The following FMN1 variants were observed in gnomAD, a reference collection of about 807,000 sequenced individuals.
FMN1 encodes the protein formin 1, also known as formin-1.
A neutral mutation model predicts 132.4 loss-of-function variants in FMN1; 110 were observed. The observed-to-expected ratio is 0.83, with a 90% CI of 0.71 to 0.97. FMN1 has a LOEUF of 0.97. Among genes scored for constraint, FMN1 ranks in the 50% least tolerant of loss-of-function variants. The pLI is 0.00. For missense variants in FMN1, 1,792 were observed against 1,705.3 expected (o/e 1.05, Z -0.90); for synonymous variants, 722 against 651.7 (o/e 1.11, Z -1.64).
At chr15:33,041,846 G>A (rs899981484) in intron 6 of FMN1, among the ~76,000 whole-genome samples, 6 of 151,984 alleles carry the variant, frequency 3.9e-5, no homozygotes, top group African/African-American at 1.5e-4. Flanking sequence ...GAGAACCATT[G>A]TACAACAATA....
At chr15:33,160,208 C>G (rs1157608547) in intron 3 of FMN1, among the ~76,000 whole-genome samples, 1 of 152,136 alleles carries the variant, frequency 6.6e-6, no homozygotes, top group Non-Finnish European at 1.5e-5. Context: ...GATAAGACAA[C>G]TTCCCAGGGC....
intron 7 of FMN1, among the ~76,000 whole-genome samples, chr15:32,979,989 A>C (rs763795496): frequency 6.6e-6 from 1 of 152,194 alleles, no homozygotes; most frequent in Non-Finnish European, 1.5e-5. Flanking sequence ...GAGTTTTACC[A>C]GGGATTAGTC....
intron 3 of FMN1, among the ~76,000 whole-genome samples, chr15:33,173,686 T>C (rs1221066790): frequency 2.0e-5 from 3 of 152,190 alleles, no homozygotes. Context: ...CCCAGCACAT[T>C]GGGAGGCCAA....
At chr15:32,879,267 C>T (rs2059707092) in intron 16 of FMN1, among the ~76,000 whole-genome samples, 2 of 152,090 alleles carry the variant, frequency 1.3e-5, no homozygotes, top group Admixed American at 6.6e-5. Flanking sequence ...ACTTTGCTTG[C>T]AAAACTAAAT....
chr15:32,880,588 ACTTT>A (rs2059746247), intron 16 of FMN1, among the ~76,000 whole-genome samples: 1 of 152,138 alleles, frequency 6.6e-6, no homozygotes, highest in African/African-American at 2.4e-5. Flanking sequence ...ATGGGACAGC[ACTTT>A]CTTTAGTAGC....
chr15:33,043,604 G>T (rs952259254), intron 6 of FMN1, among the ~76,000 whole-genome samples: 3 of 152,236 alleles, frequency 2.0e-5, no homozygotes, highest in African/African-American at 7.2e-5. Flanking sequence ...TTAACAGATG[G>T]TGTCAGAAGT....
chr15:32,972,879 A>AC (rs905393767), intron 7 of FMN1, among the ~76,000 whole-genome samples: 18 of 152,320 alleles, frequency 1.2e-4, no homozygotes, highest in Middle Eastern at 3.4e-3. Context: ...TTGTTGCCGA[A>AC]CCCCAATGTG....
chr15:33,086,012 G>C (rs2038676827), intron 5 of FMN1, among the ~76,000 whole-genome samples: 1 of 152,190 alleles, frequency 6.6e-6, no homozygotes, highest in Non-Finnish European at 1.5e-5. Context: ...AGCACTTTGA[G>C]AGGCTGAGGC....
chr15:32,905,153 C>T (rs755677735), intron 12 of FMN1, among the ~76,000 whole-genome samples: 2 of 152,224 alleles, frequency 1.3e-5, no homozygotes, highest in Non-Finnish European at 2.9e-5. Context: ...ATATGAAAGA[C>T]GTTCTGTGTC....
At chr15:33,076,800 A>G (rs1157888923) in intron 5 of FMN1, among the ~76,000 whole-genome samples, 1 of 152,184 alleles carries the variant, frequency 6.6e-6, no homozygotes, top group Non-Finnish European at 1.5e-5. Flanking sequence ...CTTTCCTACT[A>G]AACATAGGAA....
chr15:32,868,424 T>G (rs749535039), intron 16 of FMN1, among the ~76,000 whole-genome samples: 2 of 152,208 alleles, frequency 1.3e-5, no homozygotes, highest in Non-Finnish European at 2.9e-5. Context: ...GTAGACGCCA[T>G]AGGCTATACC....
intron 17 of FMN1, among the ~76,000 whole-genome samples, chr15:32,809,418 T>C (rs1044319911): frequency 4.6e-5 from 7 of 152,172 alleles, no homozygotes; most frequent in African/African-American, 1.7e-4. Context: ...ATGTTCTCAC[T>C]GGTTCCCCCT....
intron 17 of FMN1, among the ~76,000 whole-genome samples, chr15:32,841,859 G>T (rs2058752226): frequency 6.6e-6 from 1 of 152,074 alleles, no homozygotes; most frequent in Non-Finnish European, 1.5e-5. Context: ...ATTTTCCTAG[G>T]GCAAGCACAA....
At chr15:33,064,830 A>AG (rs1488017401) in intron 6 of FMN1, 127 bp downstream of exon 6, 9 of 622,896 alleles carry the variant, frequency 1.4e-5, no homozygotes, top group Non-Finnish European at 2.5e-5. Flanking sequence ...AAAACCAAAA[A>AG]GAAACCCTTC....
At chr15:33,116,781 G>A (rs1485843660) in intron 4 of FMN1, among the ~76,000 whole-genome samples, 2 of 151,606 alleles carry the variant, frequency 1.3e-5, no homozygotes, top group Admixed American at 6.6e-5. Flanking sequence ...AGAAATAGTC[G>A]ACAAAGTATA....
intron 6 of FMN1, among the ~76,000 whole-genome samples, chr15:33,014,927 A>T (rs1203102323): frequency 6.6e-6 from 1 of 152,212 alleles, no homozygotes; most frequent in East Asian, 1.9e-4. Context: ...GGATAACATT[A>T]TTGAGGGTTA....
chr15:33,157,094 G>A (rs1048771008), intron 3 of FMN1, among the ~76,000 whole-genome samples: 2 of 151,826 alleles, frequency 1.3e-5, no homozygotes, highest in Non-Finnish European at 2.9e-5. Flanking sequence ...GGTAAACCCC[G>A]TCTCTACTAA....
At chr15:33,037,697 AT>A (rs1274929310) in intron 6 of FMN1, among the ~76,000 whole-genome samples, 1 of 152,234 alleles carries the variant, frequency 6.6e-6, no homozygotes, top group African/African-American at 2.4e-5. Flanking sequence ...GTCAGCTGTA[AT>A]CATGCACATT....
At chr15:32,798,089 A>G (rs2057348601) in intron 19 of FMN1, among the ~76,000 whole-genome samples, 2 of 152,044 alleles carry the variant, frequency 1.3e-5, no homozygotes, top group South Asian at 2.1e-4. Context: ...CACCCCTTCC[A>G]TAACAGTGGC....
Sources: allele counts gnomAD v4.1 joint callset (sites outside exome capture counted in the v4.1 genomes callset), GRCh38; gene constraint gnomAD v4.1.1; transcripts MANE v1.5; gene names NCBI Gene and HGNC (gene_info 2026-07-23, HGNC 2026-07-21).